The following ZNF197 variants were observed in gnomAD, a reference collection of about 807,000 sequenced individuals.
The protein encoded by ZNF197 is zinc finger protein 197, also known as VHL-associated KRAB-A domain-containing protein.
Under a neutral mutation model 27.4 loss-of-function variants are expected in ZNF197, and 14 were observed. The observed-to-expected ratio is 0.51, with a 90% CI of 0.34 to 0.80. ZNF197 has a LOEUF of 0.80. Among genes scored for constraint, ZNF197 ranks in the 30% least tolerant of loss-of-function variants. The pLI is 0.02. For synonymous variants in ZNF197, 415 were observed against 420.0 expected (o/e 0.99, Z 0.15); for missense variants, 1,090 against 1,222.6 (o/e 0.89, Z 1.62).
chr3:44,646,451 C>G lies in ZNF197; in HGVS notation c.*2231C>G. On this transcript the variant is annotated 3_prime_UTR_variant, in exon 6 of 6. Transcript: ENST00000344387. The stretch of plus-strand genomic sequence containing the variant: ...GTGATGTAATAAGCTGAAAAATGTT[C>G]AACCTGAATTTAATCAAGCTTCTTG... The G allele has an allele frequency of 6.2e-7, 1 of 1,612,932 alleles. No individual in the cohort carries two copies. Among genetic ancestry groups the G allele is most frequent in the Non-Finnish European group, 8.5e-7 (1 of 1,179,520 alleles).
chr3:44,643,824 A>G lies in ZNF197; in HGVS notation c.2694A>G (p.Gly898=). The G allele has an allele frequency of 6.2e-7, 1 of 1,613,914 alleles. No homozygotes were observed. Among genetic ancestry groups the G allele is most frequent in the East Asian group, 2.2e-5 (1 of 44,872 alleles). Reference sequence around the variant, plus strand: ...TGGTACATCAAAGAATCCATACTGGAGAGAAACCTTATAAATGTAATGAGT... The same window carrying G: ...TGGTACATCAAAGAATCCATACTGGGGAGAAACCTTATAAATGTAATGAGT... ...NLMVHQRIHT[G]EKPYKCNECG... The change falls in exon 6 of 6, where the codon GGA becomes GGG. Residue 898 remains glycine, a synonymous_variant. Transcript: ENST00000344387.
chr3:44,644,039 G>GA lies in ZNF197; in HGVS notation c.2915dup (p.Asn972LysfsTer12). On this transcript the variant is annotated frameshift_variant, in exon 6 of 6. Transcript: ENST00000344387. LOFTEE classifies it low-confidence loss of function (END_TRUNC). ...GATTGTAGTAAAGTTTTTAGGCAAA[G>GA]AAAAAACCTTACTGTACATCAGAAA... 1 of 1,613,748 alleles carries GA rather than the reference G, an allele frequency of 6.2e-7. No individual in the cohort carries two copies.
intron 3 of ZNF197, 112 bp from the exon 4 acceptor site, chr3:44,631,993 G>T (rs1251809120): frequency 1.0e-6 from 1 of 965,478 alleles, no homozygotes; most frequent in East Asian, 2.5e-5. Context: ...GAGCCACCAC[G>T]CCCTGCCTTG....
rs1243513675 is a variant in ZNF197, at chr3:44,640,367, TTTTG to T, written c.770-1525_770-1522del. On this transcript the variant is annotated intron_variant, in intron 5 of 5. Transcript: ENST00000344387. This position sits in a 1 kb window ranked among gnomAD's most constrained non-coding sequence, Gnocchi z 4.0. ...CCTCTCCATCAGCATTCTCTTTGTT[TTTTG>T]TTTGTTTTGTTCTTGTTTTGTTTTG... is the stretch of plus-strand genomic sequence containing the variant. Among the ~76,000 whole-genome samples the T allele has an allele frequency of 2.0e-5, 3 of 152,140 alleles. No individual in the cohort carries two copies. Among genetic ancestry groups the T allele is most frequent in the Non-Finnish European group, 4.4e-5 (3 of 68,030 alleles).
At position 44,644,153 on chromosome 3, in the gene ZNF197, A is replaced by G; in HGVS notation, c.3023A>G (p.His1008Arg). Residue 1008 changes from histidine to arginine, a missense_variant, in exon 6 of 6, where the codon CAT becomes CGT. Physicochemically the swap from His to Arg is conservative, Grantham distance 29. Coordinates refer to ENST00000344387, the MANE Select transcript of ZNF197 (RefSeq NM_006991.5). Reference protein sequence around the residue: ...TSNLHLQQKIHTIEEFSWLQN... With the variant: ...TSNLHLQQKIRTIEEFSWLQN... ...AACCTTCATCTTCAACAGAAAATCC[A>G]TACCATTGAGGAATTCTCTTGGCTA... 1 of 1,613,748 alleles carries G rather than the reference A, an allele frequency of 6.2e-7. No homozygotes were observed. The highest frequency in any genetic ancestry group is 8.5e-7 in the Non-Finnish European group (1 of 1,179,916).
chr3:44,641,743 T>G lies in ZNF197; in HGVS notation c.770-157T>G, dbSNP rs113916854. ...ATCCATTTACAACATCTTGTCAGTG[T>G]AGCATTATTCTTTGTACCTTCCTTT... On this transcript the variant is annotated intron_variant, in intron 5 of 5. Coordinates refer to ENST00000344387, the MANE Select transcript of ZNF197 (RefSeq NM_006991.5). Among the ~76,000 whole-genome samples the G allele has an allele frequency of 2.0e-5, 3 of 152,360 alleles. 1 individual carries two copies. The highest frequency in any genetic ancestry group is 7.2e-5 in the African/African-American group (3 of 41,584).
intron 2 of ZNF197, chr3:44,630,681 G>C (rs1701938037): frequency 2.8e-6 from 1 of 360,990 alleles, no homozygotes; most frequent in South Asian, 2.1e-5. Flanking sequence ...CTAGGTAAAG[G>C]GGTCAATAAG....
intron 5 of ZNF197, among the ~76,000 whole-genome samples, chr3:44,638,442 C>T (rs1207321573): frequency 6.6e-6 from 1 of 152,028 alleles, no homozygotes; most frequent in Non-Finnish European, 1.5e-5. Context: ...TGCAATCTTG[C>T]TGTATTTATA....
At chr3:44,631,262 C>G in intron 3 of ZNF197, 41 bp downstream of exon 3, 1 of 1,609,816 alleles carries the variant, frequency 6.2e-7, no homozygotes, top group East Asian at 2.2e-5. Flanking sequence ...GTTCAAGGAC[C>G]CTTCCTGTGG....
At chr3:44,639,457 G>C (rs1279585783) in intron 5 of ZNF197, among the ~76,000 whole-genome samples, 4 of 151,296 alleles carry the variant, frequency 2.6e-5, no homozygotes, top group African/African-American at 4.9e-5. Context: ...GTGCAGGCAG[G>C]GGGTGGGGGT....
intron 5 of ZNF197, among the ~76,000 whole-genome samples, chr3:44,633,988 GC>G (rs1408285178): frequency 1.3e-5 from 2 of 152,112 alleles, no homozygotes; most frequent in Admixed American, 6.5e-5. Flanking sequence ...CTCAGTAGTG[GC>G]AGTGGTGGGT....
chr3:44,625,745 C>T (rs1340677265), intron 1 of ZNF197, among the ~76,000 whole-genome samples: 1 of 91,074 alleles, frequency 1.1e-5, no homozygotes, highest in African/African-American at 5.0e-5. Context: ...TTTGCGCGCG[C>T]GCGCGCACAC....
chr3:44,641,284 C>T (rs75124395), intron 5 of ZNF197, among the ~76,000 whole-genome samples: 1 of 152,110 alleles, frequency 6.6e-6, no homozygotes, highest in African/African-American at 2.4e-5. Flanking sequence ...TCATAACAGA[C>T]CTGACTATTT....
intron 5 of ZNF197, among the ~76,000 whole-genome samples, chr3:44,641,169 A>G (rs1702581046): frequency 6.6e-6 from 1 of 152,212 alleles, no homozygotes; most frequent in South Asian, 2.1e-4. Flanking sequence ...AACCTTGGAT[A>G]TTAGTTTAGC....
rs1701830401 is a variant in ZNF197 at position 44,629,099 on chromosome 3, G to A, written c.-56G>A. 1 of 1,537,128 alleles carries A rather than the reference G, an allele frequency of 6.5e-7. No individual in the cohort carries two copies. On this transcript the variant is annotated 5_prime_UTR_variant, in exon 2 of 6. Transcript: ENST00000344387. ...ATGATACTCTCCAAGCTGTAAGGAA[G>A]AAGTCAAGGATTAAGGAGACCTGGA...
At chr3:44,636,038 C>T (rs1397888807) in intron 5 of ZNF197, among the ~76,000 whole-genome samples, 2 of 152,238 alleles carry the variant, frequency 1.3e-5, no homozygotes, top group South Asian at 4.1e-4. Flanking sequence ...GGCATGGTGG[C>T]TCATGCCTGT....
intron 5 of ZNF197, among the ~76,000 whole-genome samples, chr3:44,633,432 T>A (rs1023266118): frequency 2.6e-5 from 4 of 152,196 alleles, no homozygotes; most frequent in Admixed American, 1.3e-4. Flanking sequence ...GGTACAAGAG[T>A]GGCATAAACC....
At chr3:44,632,705 C>T in intron 5 of ZNF197, 106 bp downstream of exon 5, 3 of 1,308,148 alleles carry the variant, frequency 2.3e-6, no homozygotes, top group South Asian at 5.1e-5. Context: ...CCGAATATTA[C>T]AAAGAAGAAA....
At chr3:44,631,908 G>A (rs1050715854) in intron 3 of ZNF197, among the ~76,000 whole-genome samples, 197 bp from the exon 4 acceptor site, 1 of 151,992 alleles carries the variant, frequency 6.6e-6, no homozygotes, top group Non-Finnish European at 1.5e-5. Context: ...TCACCATGTT[G>A]GCCAGGATGG....
Sources: gnomAD v4.1 joint callset for allele counts (sites outside exome capture counted in the v4.1 genomes callset) on GRCh38, gnomAD v4.1.1 for gene constraint, Gnocchi (gnomAD v3.1) non-coding constraint, MANE v1.5 for transcripts, NCBI Gene and HGNC (gene_info 2026-07-23, HGNC 2026-07-21) for gene names.